The following LRRTM4 variants were observed in gnomAD, a reference collection of about 807,000 sequenced individuals.
LRRTM4 encodes the protein leucine-rich repeat transmembrane neuronal protein 4.
LRRTM4 carries 25 observed loss-of-function variants against 47.6 expected under a neutral mutation model. The observed-to-expected ratio is 0.53, with a 90% CI of 0.38 to 0.73. The LOEUF is 0.73. Among genes scored for constraint, LRRTM4 ranks in the 30% least tolerant of loss-of-function variants. LRRTM4 has a pLI of 0.00. For missense variants in LRRTM4, 638 were observed against 713.4 expected (o/e 0.89, Z 1.20); for synonymous variants, 311 against 269.5 (o/e 1.15, Z -1.51).
chr2:77,419,055 C>T (rs1289476372), intron 3 of LRRTM4, among the ~76,000 whole-genome samples: 3 of 152,134 alleles, frequency 2.0e-5, no homozygotes, highest in Admixed American at 2.0e-4. Flanking sequence ...TCTTTATTTA[C>T]TCATATATAT....
intron 3 of LRRTM4, among the ~76,000 whole-genome samples, chr2:77,465,907 G>GGC (rs759639548): frequency 6.6e-6 from 1 of 152,054 alleles, no homozygotes; most frequent in Non-Finnish European, 1.5e-5. Context: ...ACAGGGAGCT[G>GGC]GCACCTAGGT....
chr2:77,033,805 T>A (rs1265292886), intron 3 of LRRTM4, among the ~76,000 whole-genome samples: 2 of 151,836 alleles, frequency 1.3e-5, no homozygotes, highest in African/African-American at 2.4e-5. Flanking sequence ...AATGTCTTAT[T>A]AAATGAACTA....
At chr2:76,805,132 A>T (rs1675904882) in intron 3 of LRRTM4, among the ~76,000 whole-genome samples, 2 of 152,298 alleles carry the variant, frequency 1.3e-5, no homozygotes, top group Middle Eastern at 3.4e-3. Flanking sequence ...ACAGGAATCA[A>T]GGCCCTTAAC....
intron 3 of LRRTM4, among the ~76,000 whole-genome samples, chr2:77,351,215 G>A (rs1016166843): frequency 4.0e-5 from 6 of 151,598 alleles, no homozygotes; most frequent in Admixed American, 2.0e-4. Context: ...AATAATAACC[G>A]CCAACTCCTT....
At chr2:76,957,168 C>G (rs961178200) in intron 3 of LRRTM4, among the ~76,000 whole-genome samples, 1 of 151,494 alleles carries the variant, frequency 6.6e-6, no homozygotes, top group African/African-American at 2.4e-5. Context: ...GATAGAAGGA[C>G]AAAAAATGCA....
chr2:77,513,851 C>T (rs1217956438), intron 3 of LRRTM4, among the ~76,000 whole-genome samples: 1 of 152,084 alleles, frequency 6.6e-6, no homozygotes, highest in African/African-American at 2.4e-5. Flanking sequence ...CAGGCATGAG[C>T]CACTGCACCT....
chr2:76,945,773 G>A (rs915664581), intron 3 of LRRTM4, among the ~76,000 whole-genome samples: 3 of 146,518 alleles, frequency 2.0e-5, no homozygotes, highest in Non-Finnish European at 4.5e-5. Context: ...GTGTGTGTGT[G>A]TATGTGTATG....
chr2:76,908,729 A>T (rs541010649), intron 3 of LRRTM4, among the ~76,000 whole-genome samples: 4 of 152,248 alleles, frequency 2.6e-5, no homozygotes, highest in African/African-American at 9.6e-5. Flanking sequence ...ATCATGAGTG[A>T]ACTCCCATTC....
At chr2:77,039,021 C>A (rs561419658) in intron 3 of LRRTM4, among the ~76,000 whole-genome samples, 1 of 151,222 alleles carries the variant, frequency 6.6e-6, no homozygotes, top group South Asian at 2.1e-4. Context: ...AAACCCCCTT[C>A]AGTTCATAAG....
At chr2:76,759,824 T>A in intron 3 of LRRTM4, among the ~76,000 whole-genome samples, 1 of 152,110 alleles carries the variant, frequency 6.6e-6, no homozygotes, top group East Asian at 1.9e-4. Context: ...AGAGGGGCCT[T>A]CTCTAACCAC....
chr2:77,361,622 G>A (rs923488090), intron 3 of LRRTM4, among the ~76,000 whole-genome samples: 13 of 151,982 alleles, frequency 8.6e-5, no homozygotes, highest in Admixed American at 2.0e-4. Context: ...TATCTTCCCC[G>A]TGAAATAACT....
chr2:77,169,823 T>A (rs1416788508), intron 3 of LRRTM4, among the ~76,000 whole-genome samples: 1 of 151,864 alleles, frequency 6.6e-6, no homozygotes, highest in African/African-American at 2.4e-5. Context: ...CAAAGTAGAC[T>A]AAGACATTTC....
chr2:76,982,678 G>C, intron 3 of LRRTM4, among the ~76,000 whole-genome samples: 1 of 151,924 alleles, frequency 6.6e-6, no homozygotes, highest in East Asian at 1.9e-4. Context: ...ATCCATTCCG[G>C]AGCTGTACAA....
At position 76,779,671 on chromosome 2, in the gene LRRTM4, G is replaced by T. The variant is rs941125597; in HGVS notation, c.1552-30755C>A. ...TATATGTGTCTCTGCACGTGAGATG[G>T]GTTTCCTGAATACAGCACACTGATG... is the stretch of plus-strand genomic sequence containing the variant. On this transcript the variant is annotated intron_variant, in intron 3 of 3. Transcript: ENST00000409884. Among the ~76,000 whole-genome samples the T allele has an allele frequency of 1.0e-3, 153 of 150,094 alleles. 1 individual carries two copies. The highest frequency in any genetic ancestry group is 3.5e-3 in the African/African-American group (143 of 40,918).
chr2:77,437,409 C>T (rs1442282436), intron 3 of LRRTM4, among the ~76,000 whole-genome samples: 2 of 151,828 alleles, frequency 1.3e-5, no homozygotes, highest in African/African-American at 4.8e-5. Context: ...TATCTCAACC[C>T]CACTGACTTT....
chr2:77,275,937 T>A (rs1676334803), intron 3 of LRRTM4, among the ~76,000 whole-genome samples: 1 of 152,088 alleles, frequency 6.6e-6, no homozygotes. Context: ...ACAATTAAGA[T>A]GACAATCCCT....
chr2:76,960,140 C>G (rs1675805968), intron 3 of LRRTM4, among the ~76,000 whole-genome samples: 1 of 151,462 alleles, frequency 6.6e-6, no homozygotes, highest in African/African-American at 2.4e-5. Flanking sequence ...AATTACCAAA[C>G]AGTACAGAAC....
intron 3 of LRRTM4, among the ~76,000 whole-genome samples, chr2:77,380,938 G>C (rs929727707): frequency 6.6e-6 from 1 of 152,054 alleles, no homozygotes; most frequent in Non-Finnish European, 1.5e-5. Context: ...TATTTTAAAT[G>C]AGACAACAGA....
At chr2:76,983,634 A>T (rs1676689828) in intron 3 of LRRTM4, among the ~76,000 whole-genome samples, 1 of 152,082 alleles carries the variant, frequency 6.6e-6, no homozygotes, top group African/African-American at 2.4e-5. Flanking sequence ...CTTTATTAGT[A>T]GCATGAGAAT....
Sources: gnomAD v4.1 joint callset for allele counts (sites outside exome capture counted in the v4.1 genomes callset) on GRCh38, gnomAD v4.1.1 for gene constraint, MANE v1.5 for transcripts, NCBI Gene and HGNC (gene_info 2026-07-23, HGNC 2026-07-21) for gene names.